PLCG2: variants seen among roughly 807,000 people sequenced by gnomAD.
The protein encoded by PLCG2 is phospholipase C gamma 2, also known as 1-phosphatidylinositol 4,5-bisphosphate phosphodiesterase gamma-2.
PLCG2 carries 69 observed loss-of-function variants against 175.6 expected under a neutral mutation model. The ratio of observed to expected loss-of-function variants is 0.39; its 90% CI spans 0.32 to 0.48. The LOEUF (loss-of-function observed/expected upper bound fraction) is 0.48, where lower values mean the gene tolerates loss of function less well. Among genes scored for constraint, PLCG2 ranks in the 20% least tolerant of loss-of-function variants. The pLI, the probability that PLCG2 is intolerant of heterozygous loss-of-function variation, is 0.91. For missense variants in PLCG2, 1,798 were observed against 1,650.9 expected, an observed-to-expected ratio of 1.09 and a Z score of -1.54; for synonymous variants, 827 against 624.0, an observed-to-expected ratio of 1.33 and a Z score of -4.85.
chr16:81,815,462 C>G (rs1470846266), intron 2 of PLCG2, among the ~76,000 whole-genome samples: 1 of 152,186 alleles, frequency 6.6e-6, no homozygotes. Flanking sequence ...GAGAGACCAC[C>G]CCCTAGAGGC....
In PLCG2 at chr16:81,786,203, G is replaced by T; in HGVS notation, c.193+21G>T. 3.1e-6 allele frequency: 5 copies of T among 1,607,762 alleles called. No individual in the cohort carries two copies. The South Asian group carries it at 3.3e-5, about 11-fold the overall frequency. On this transcript the variant is annotated intron_variant, in intron 2 of 32. Coordinates refer to ENST00000564138, the MANE Select transcript of PLCG2 (RefSeq NM_002661.5). ...CTTCTGTGAGTACTCGCTGGGTGGG[G>T]CAGTGTGGCCCGTCCTCTGGGGCCC...
chr16:81,864,772 T>A (rs550925820), intron 5 of PLCG2, among the ~76,000 whole-genome samples: 2 of 152,130 alleles, frequency 1.3e-5, no homozygotes. Context: ...GCTGCCATCC[T>A]TAATGGTTTG....
intron 5 of PLCG2, 106 bp downstream of exon 5, chr16:81,859,269 C>A: frequency 1.4e-6 from 1 of 739,692 alleles, no homozygotes; most frequent in Non-Finnish European, 2.5e-6. Flanking sequence ...GCAAGGTCCT[C>A]ACTGCGTCCA....
At position 81,961,241 on chromosome 16, in the gene PLCG2, G is replaced by C. The variant is rs72829125; in HGVS notation, c.*3243G>C. On this transcript the variant is annotated 3_prime_UTR_variant, in exon 33 of 33. Transcript: ENST00000564138. ...CCCATTGATGTATCTGTGTGAACAAGGATCAACATCTCCATAAATGAAATT... is the reference window on the plus strand; with the variant it reads ...CCCATTGATGTATCTGTGTGAACAACGATCAACATCTCCATAAATGAAATT... 9.8e-3 allele frequency: 2,207 copies of C among 225,504 alleles called. 18 individuals are homozygous for C. The highest frequency in any genetic ancestry group is 0.03 in the South Asian group (163 of 5,456). 14.0% of individuals were successfully genotyped at this position (225,504 alleles called of 1,614,324 possible).
At chr16:81,838,603 C>T (rs1905648999) in intron 2 of PLCG2, among the ~76,000 whole-genome samples, 3 of 151,546 alleles carry the variant, frequency 2.0e-5, no homozygotes, top group Non-Finnish European at 1.5e-5. Context: ...ACACCAGGGC[C>T]TGTCAGGGGG....
At chr16:81,859,590 A>C (rs28613941) in intron 5 of PLCG2, among the ~76,000 whole-genome samples, 2 of 151,408 alleles carry the variant, frequency 1.3e-5, no homozygotes, top group Admixed American at 6.6e-5. Context: ...GCTGGAGTGC[A>C]GTGGCATGAT....
intron 6 of PLCG2, 56 bp from the exon 7 acceptor site, chr16:81,870,796 A>G: frequency 1.1e-6 from 1 of 896,640 alleles, no homozygotes; most frequent in South Asian, 1.5e-5. Flanking sequence ...AATAGCATGG[A>G]GCCATTCTTA....
intron 2 of PLCG2, among the ~76,000 whole-genome samples, chr16:81,846,895 GT>G (rs1342283987): frequency 6.6e-6 from 1 of 152,000 alleles, no homozygotes. Context: ...GATGTGTATG[GT>G]TTTCCCCCCA....
At position 81,897,972 on chromosome 16, in the gene PLCG2, T is replaced by G. The variant is rs75926723; in HGVS notation, c.1193+2045T>G. ...AAACCTTTCAATGAAGGCATATGAT[T>G]TCTCCATCGCAGCATTCTCCCCTGT... is the stretch of plus-strand genomic sequence containing the variant. On this transcript the variant is annotated intron_variant, in intron 13 of 32. Coordinates refer to ENST00000564138, the MANE Select transcript of PLCG2 (RefSeq NM_002661.5). The G allele has an allele frequency of 5.1e-4, 217 of 421,812 alleles. 1 individual carries two copies. The East Asian group carries it at 0.015, about 29-fold the overall frequency. The allele number at this position is 421,812 out of a possible 1,614,324, so 26.1% of individuals were successfully genotyped here.
chr16:81,938,434 T>C (rs906913926), intron 28 of PLCG2: 23 of 259,832 alleles, frequency 8.9e-5, no homozygotes, highest in African/African-American at 5.0e-4. Context: ...ACAGCAGTTA[T>C]AAAAAGAATG....
intron 8 of PLCG2, among the ~76,000 whole-genome samples, chr16:81,881,869 G>T (rs1423952587): frequency 6.6e-6 from 1 of 151,306 alleles, no homozygotes; most frequent in Admixed American, 6.6e-5. Context: ...CCAGTCTGGT[G>T]TTGAACTCAT....
At chr16:81,903,165 G>A (rs1909223379) in intron 14 of PLCG2, among the ~76,000 whole-genome samples, 1 of 152,196 alleles carries the variant, frequency 6.6e-6, no homozygotes, top group Non-Finnish European at 1.5e-5. Context: ...ATAGCAGTAG[G>A]CAGAGAAGGG....
At chr16:81,916,283 C>CT (rs36036965) in intron 19 of PLCG2, among the ~76,000 whole-genome samples, 2 of 109,162 alleles carry the variant, frequency 1.8e-5, no homozygotes, top group African/African-American at 7.5e-5. Context: ...ACTGGAAATC[C>CT]TTTTTTAAAA....
intron 2 of PLCG2, among the ~76,000 whole-genome samples, chr16:81,772,655 CAAAA>C (rs34085438): frequency 2.9e-5 from 4 of 140,106 alleles, no homozygotes; most frequent in Admixed American, 7.1e-5. Flanking sequence ...ACTAAAAATA[CAAAA>C]AAAAAAAAAA....
intron 5 of PLCG2, among the ~76,000 whole-genome samples, chr16:81,862,686 A>G (rs35211335): frequency 0.08 from 12,117 of 152,194 alleles, 501 homozygotes; most frequent in Middle Eastern, 0.095. Context: ...CTTGGGCAAC[A>G]TGGGGAAACC....
intron 23 of PLCG2, among the ~76,000 whole-genome samples, chr16:81,928,329 C>T (rs973175852): frequency 1.3e-5 from 2 of 152,074 alleles, no homozygotes; most frequent in African/African-American, 2.4e-5. Context: ...CACGTTTTTA[C>T]GGATTGGAAA....
chr16:81,772,929 T>C (rs1021044049), intron 2 of PLCG2, among the ~76,000 whole-genome samples: 1 of 152,232 alleles, frequency 6.6e-6, no homozygotes, highest in Non-Finnish European at 1.5e-5. Flanking sequence ...GTGCAGCCTA[T>C]GACCACTGCA....
intron 2 of PLCG2, among the ~76,000 whole-genome samples, chr16:81,799,331 C>A (rs779520397): frequency 6.6e-6 from 1 of 152,098 alleles, no homozygotes; most frequent in Non-Finnish European, 1.5e-5. Context: ...TCACAACATG[C>A]GACCCTTTTG....
rs1179653977 is a variant in PLCG2 at position 81,889,259 on chromosome 16, T to G, written c.853T>G (p.Leu285Val). The G allele has an allele frequency of 1.9e-6, 3 of 1,596,348 alleles. No individual in the cohort carries two copies. The highest frequency in any genetic ancestry group is 2.6e-6 in the Non-Finnish European group (3 of 1,168,118). The change falls in exon 10 of 33, where the codon TTG becomes GTG. Residue 285 changes from leucine (L) to valine (V), a missense_variant. Transcript: ENST00000564138. ...CATGCGTGAAACTGCTGAGCCTTTC[T>G]TGTTTGTGGATGAGGTGAGTAGGCT... ...DTMRETAEPF[L>V]FVDEFLTYLF...
Sources: gnomAD v4.1 joint callset for allele counts (sites outside exome capture counted in the v4.1 genomes callset) on GRCh38, gnomAD v4.1.1 for gene constraint, MANE v1.5 for transcripts, NCBI Gene and HGNC (gene_info 2026-07-23, HGNC 2026-07-21) for gene names.